Variants in RYR1 observed in about 807,000 individuals in gnomAD.
RYR1 encodes the protein central core disease of muscle.
A neutral mutation model predicts 583.5 loss-of-function variants in RYR1; 342 were observed. The observed-to-expected ratio is 0.59, with a 90% CI of 0.54 to 0.64. RYR1 has a LOEUF of 0.64. Ranked by LOEUF, RYR1 falls within the 30% of genes least tolerant of loss-of-function variation. RYR1 has a pLI of 0.00. For missense variants in RYR1, 6,032 were observed against 6,917.2 expected (o/e 0.87, Z 4.54); for synonymous variants, 2,791 against 2,822.5 (o/e 0.99, Z 0.35).
chr19:38,508,748 A>C (rs577395829), intron 58 of RYR1, among the ~76,000 whole-genome samples: 1 of 152,248 alleles, frequency 6.6e-6, no homozygotes, highest in East Asian at 1.9e-4. Flanking sequence ...GAGGTCACAG[A>C]GGTGACTGGG....
At chr19:38,467,897 C>T in intron 25 of RYR1, 85 bp downstream of exon 25, 1 of 1,320,180 alleles carries the variant, frequency 7.6e-7, no homozygotes, top group Non-Finnish European at 1.1e-6. Context: ...CTGTCTGTGC[C>T]TCACTCTGTC....
In RYR1 at chr19:38,516,219, T is replaced by C; in HGVS notation, c.9685+2T>C. 6.3e-7 allele frequency: 1 copy of C among 1,586,428 alleles called. No individual in the cohort carries two copies. The highest frequency in any genetic ancestry group is 8.6e-7 in the Non-Finnish European group (1 of 1,166,262). On this transcript the variant is annotated splice_donor_variant, in intron 65 of 105. Coordinates refer to ENST00000359596, the MANE Select transcript of RYR1 (RefSeq NM_000540.3). LOFTEE classifies it high-confidence loss of function. The stretch of plus-strand genomic sequence containing the variant: ...CCAAGTCTCCGCGGGAGCGGGCCAG[T>C]AAGCTGTGTGGGGCGGGAGCAGTGC...
At position 38,580,369 on chromosome 19, in the gene RYR1, G is replaced by A. The variant is rs1064793932; in HGVS notation, c.14512-1G>A. On this transcript the variant is annotated splice_acceptor_variant, in intron 100 of 105. Coordinates refer to ENST00000359596, the MANE Select transcript of RYR1 (RefSeq NM_000540.3). LOFTEE classifies it high-confidence loss of function. ...CTGACCTGGCCCCATCCTGCCCCCA[G>A]CTGGTGATGACCGTGGGCCTTCTGG... The A allele has an allele frequency of 4.3e-6, 7 of 1,613,904 alleles. No individual in the cohort carries two copies. The highest frequency in any genetic ancestry group is 5.1e-6 in the Non-Finnish European group (6 of 1,180,020).
chr19:38,567,088 G>A, intron 92 of RYR1, 101 bp downstream of exon 92: 3 of 1,533,694 alleles, frequency 2.0e-6, no homozygotes, highest in Admixed American at 3.9e-5. Context: ...TGGCCACCCT[G>A]TGTCCTCGGC....
Position 38,553,934 on chromosome 19 carries a change from G to A in RYR1, c.12282+5514G>A, listed in dbSNP as rs146167855. On this transcript the variant is annotated intron_variant, in intron 89 of 105. Transcript: ENST00000359596. ...TTTTTACAGGTGTCCAATATTCCAC[G>A]CTGTGTGTATATTATGGTTTATTTG... Among the ~76,000 whole-genome samples the A allele has an allele frequency of 3.4e-3, 517 of 152,224 alleles. 3 individuals carry two copies. Among genetic ancestry groups the A allele is most frequent in the African/African-American group, 0.012 (491 of 41,548 alleles).
intron 89 of RYR1, among the ~76,000 whole-genome samples, chr19:38,550,219 TC>T (rs944516618): frequency 2.6e-5 from 4 of 152,290 alleles, no homozygotes; most frequent in South Asian, 2.1e-4. Context: ...TAAATTTCTT[TC>T]GTCAATGTCT....
In RYR1 at chr19:38,478,572, A is replaced by G. The variant is rs1968860939; in HGVS notation, c.4592A>G (p.Asn1531Ser). 6 of 1,613,540 alleles carry G rather than the reference A, an allele frequency of 3.7e-6. No homozygotes were observed. Among genetic ancestry groups the G allele is most frequent in the Non-Finnish European group, 5.1e-6 (6 of 1,180,018 alleles). Residue 1531 changes from asparagine (N) to serine (S), a missense_variant, in exon 31 of 106, where the codon AAT becomes AGT. Asn to Ser is a conservative substitution (Grantham distance 46, BLOSUM62 1). Around this residue, in one of 11 missense-constraint regions of RYR1, gnomAD observed 2,627 missense variants for 2,961.3 expected, o/e 0.89. Transcript: ENST00000359596. The stretch of plus-strand genomic sequence containing the variant: ...ACTGGCTTAATGACCTTTACAGCCA[A>G]TGGCAAAGAGAGCAACACCTTTTTC... The part of the protein sequence containing the change: ...LATGLMTFTA[N>S]GKESNTFFQV...
Position 38,567,807 on chromosome 19 carries a change from C to T in RYR1, c.13549C>T (p.Pro4517Ser). The T allele has an allele frequency of 6.2e-7, 1 of 1,614,148 alleles. No individual in the cohort carries two copies. Among genetic ancestry groups the T allele is most frequent in the South Asian group, 1.1e-5 (1 of 91,070 alleles). Residue 4517 changes from proline (P) to serine (S), a missense_variant, in exon 93 of 106, where the codon CCC becomes TCC. This residue lies in a region of RYR1 where 753 missense variants were observed against 759.6 expected (regional missense o/e 0.99). Transcript: ENST00000359596. Reference protein sequence around the residue: ...ENGEKEEVPEPTPEPPKKQAP... With the variant: ...ENGEKEEVPESTPEPPKKQAP... ...TGGGGAGAAGGAAGAAGTTCCCGAG[C>T]CCACACCAGAGCCCCCCAAGAAGCA...
chr19:38,475,203 G>C (rs1694619729), intron 28 of RYR1, 115 bp from the exon 29 acceptor site: 1 of 1,407,156 alleles, frequency 7.1e-7, no homozygotes. Context: ...CTAGAGGCAA[G>C]ACCTGGGGTA....
At chr19:38,469,716 C>T (rs1968316361) in intron 27 of RYR1, among the ~76,000 whole-genome samples, 1 of 152,016 alleles carries the variant, frequency 6.6e-6, no homozygotes, top group Non-Finnish European at 1.5e-5. Flanking sequence ...GGTGCCTCAC[C>T]TATAAAATAA....
In RYR1 at chr19:38,477,871, G is replaced by A. The variant is rs1478980105; in HGVS notation, c.4454+1G>A. On this transcript the variant is annotated splice_donor_variant, in intron 30 of 105. Transcript: ENST00000359596. LOFTEE classifies it high-confidence loss of function. ...ATGAACAAGGCAACGTCCACAGCAG[G>A]TGCCGGGGCTGGGGGGAGGTGGGAG... 2 of 1,612,048 alleles carry A rather than the reference G, an allele frequency of 1.2e-6. No homozygotes were observed. Among genetic ancestry groups the A allele is most frequent in the Non-Finnish European group, 1.7e-6 (2 of 1,179,110 alleles).
intron 101 of RYR1, among the ~76,000 whole-genome samples, chr19:38,583,170 G>A (rs577375081): frequency 1.3e-5 from 2 of 152,062 alleles, no homozygotes; most frequent in Admixed American, 6.6e-5. Context: ...GGTGGTGGGC[G>A]CCTATAATCC....
chr19:38,558,846 T>G (rs1283378750), intron 89 of RYR1, among the ~76,000 whole-genome samples: 1 of 151,054 alleles, frequency 6.6e-6, no homozygotes, highest in Non-Finnish European at 1.5e-5. Context: ...ATCCTAGCAC[T>G]TTGGGAGGCC....
At chr19:38,560,219 C>T (rs991691891) in intron 89 of RYR1, among the ~76,000 whole-genome samples, 1 of 151,974 alleles carries the variant, frequency 6.6e-6, no homozygotes, top group African/African-American at 2.4e-5. Context: ...AAAAATTCAC[C>T]AGGCACAGTG....
chr19:38,511,661 C>A, intron 61 of RYR1, 51 bp downstream of exon 61: 2 of 1,589,118 alleles, frequency 1.3e-6, no homozygotes, highest in Non-Finnish European at 1.7e-6. Flanking sequence ...CTCTTCCCCA[C>A]CCTGAAGAAA....
At chr19:38,542,043 T>G (rs1972216987) in intron 84 of RYR1, among the ~76,000 whole-genome samples, 1 of 135,948 alleles carries the variant, frequency 7.4e-6, no homozygotes, top group African/African-American at 2.8e-5. Context: ...TACTCCAACC[T>G]AGGCAACAGA....
Position 38,577,912 on chromosome 19 carries a change from G to C in RYR1, c.14173-6G>C, listed in dbSNP as rs775047238. On this transcript the variant is annotated splice_polypyrimidine_tract_variant and splice_region_variant and intron_variant, in intron 97 of 105. Coordinates refer to ENST00000359596, the MANE Select transcript of RYR1 (RefSeq NM_000540.3). Reference sequence around the variant, plus strand: ...TGTCTACACAGCCTGATGCTCTCTTGTGCAGGTCCTGGACAAACATGGGGA... The same window carrying C: ...TGTCTACACAGCCTGATGCTCTCTTCTGCAGGTCCTGGACAAACATGGGGA... 11 of 1,613,964 alleles carry C rather than the reference G, an allele frequency of 6.8e-6. No homozygotes were observed. Among genetic ancestry groups the C allele is most frequent in the Non-Finnish European group, 9.3e-6 (11 of 1,180,008 alleles).
chr19:38,490,712 A>G lies in RYR1; in HGVS notation c.6107A>G (p.Gln2036Arg). 1 of 1,612,806 alleles carries G rather than the reference A, an allele frequency of 6.2e-7. No individual in the cohort carries two copies. The highest frequency in any genetic ancestry group is 1.1e-5 in the South Asian group (1 of 91,046). Residue 2036 changes from glutamine to arginine, a missense_variant, in exon 37 of 106, where the codon CAA becomes CGA. Gln to Arg is a conservative substitution (Grantham distance 43). Coordinates refer to ENST00000359596, the MANE Select transcript of RYR1 (RefSeq NM_000540.3). ...EIRQDLLDFH[Q>R]DLLAHCGIQL... ...CGACAGGATTTGCTTGACTTTCATC[A>G]AGACCTGCTGGCACACTGTGGTAAG...
chr19:38,462,978 C>G (rs1263434842), intron 20 of RYR1, among the ~76,000 whole-genome samples: 1 of 146,496 alleles, frequency 6.8e-6, no homozygotes, highest in Non-Finnish European at 1.5e-5. Context: ...CTCACTGCAA[C>G]CTCTGCCTCC....
Sources: gnomAD v4.1 joint callset for allele counts (sites outside exome capture counted in the v4.1 genomes callset) on GRCh38, gnomAD v4.1.1 for gene constraint, gnomAD v4.1.1 regional missense constraint, MANE v1.5 for transcripts, NCBI Gene and HGNC (gene_info 2026-07-23, HGNC 2026-07-21) for gene names.